Variants in NCAM2 observed in about 807,000 individuals in gnomAD.
NCAM2 encodes the protein N-CAM-2.
Under a neutral mutation model 98.1 loss-of-function variants are expected in NCAM2, and 30 were observed. The ratio of observed to expected loss-of-function variants is 0.31; its 90% CI spans 0.23 to 0.41. The LOEUF is 0.41. Among genes scored for constraint, NCAM2 ranks in the 10% least tolerant of loss-of-function variants. The probability of loss-of-function intolerance (pLI) is 1.00; values close to 1 mark genes in which losing one functional copy is unlikely to be tolerated. For missense variants in NCAM2, 867 were observed against 1,005.8 expected (o/e 0.86, Z 1.87); for synonymous variants, 368 against 342.4 (o/e 1.07, Z -0.83).
intron 9 of NCAM2, among the ~76,000 whole-genome samples, chr21:21,386,182 A>G (rs191743847): frequency 2.0e-5 from 3 of 152,122 alleles, no homozygotes; most frequent in Non-Finnish European, 2.9e-5. Context: ...TACATTCTCT[A>G]TATATAAAGT....
chr21:21,028,569 G>T (rs1461900207), intron 1 of NCAM2, among the ~76,000 whole-genome samples: 4 of 152,188 alleles, frequency 2.6e-5, no homozygotes, highest in African/African-American at 9.7e-5. Flanking sequence ...ACTTTGGTGT[G>T]CAGCCTGCAT....
intron 4 of NCAM2, among the ~76,000 whole-genome samples, chr21:21,290,884 C>T (rs982338085): frequency 6.6e-6 from 1 of 151,848 alleles, no homozygotes; most frequent in African/African-American, 2.4e-5. Flanking sequence ...CTCACTCATG[C>T]AAAGTCCAGT....
At chr21:21,186,963 C>T (rs1397323013) in intron 1 of NCAM2, among the ~76,000 whole-genome samples, 1 of 152,108 alleles carries the variant, frequency 6.6e-6, no homozygotes, top group East Asian at 1.9e-4. Flanking sequence ...GGCGCAGTGG[C>T]TTACACCTGT....
chr21:21,105,311 A>T (rs1297368791), intron 1 of NCAM2, among the ~76,000 whole-genome samples: 1 of 152,160 alleles, frequency 6.6e-6, no homozygotes, highest in Non-Finnish European at 1.5e-5. Context: ...ACATTATTTG[A>T]CTTTGTTTTA....
At chr21:21,463,275 A>C (rs764213534) in intron 12 of NCAM2, among the ~76,000 whole-genome samples, 1 of 152,004 alleles carries the variant, frequency 6.6e-6, no homozygotes. Context: ...GCCTCCTCCA[A>C]ATCTTTTCCC....
intron 8 of NCAM2, among the ~76,000 whole-genome samples, chr21:21,338,809 G>A (rs575501650): frequency 1.8e-4 from 27 of 152,194 alleles, no homozygotes; most frequent in Non-Finnish European, 3.2e-4. Context: ...TTTGTTATAC[G>A]TTGAATCTAT....
At chr21:21,237,226 T>C (rs1020107535) in intron 1 of NCAM2, among the ~76,000 whole-genome samples, 2 of 152,174 alleles carry the variant, frequency 1.3e-5, no homozygotes, top group Non-Finnish European at 2.9e-5. Context: ...GTAGAGTATT[T>C]AATCCTGCAG....
At chr21:21,331,330 G>A (rs564380435) in intron 6 of NCAM2, among the ~76,000 whole-genome samples, 2 of 149,912 alleles carry the variant, frequency 1.3e-5, no homozygotes, top group Non-Finnish European at 3.0e-5. Context: ...TAGAGAAGTG[G>A]TTTCAGTGTG....
chr21:21,141,326 T>G (rs1489299724), intron 1 of NCAM2, among the ~76,000 whole-genome samples: 1 of 152,188 alleles, frequency 6.6e-6, no homozygotes, highest in African/African-American at 2.4e-5. Flanking sequence ...TTTAATGATG[T>G]TAGCAGCTAT....
chr21:21,272,114 AGT>A (rs927424669), intron 1 of NCAM2, among the ~76,000 whole-genome samples: 16 of 152,304 alleles, frequency 1.1e-4, no homozygotes, highest in African/African-American at 3.6e-4. Flanking sequence ...TAAATGATAA[AGT>A]GTGAAGGAGT....
chr21:21,006,341 T>C (rs1344718297), intron 1 of NCAM2, among the ~76,000 whole-genome samples: 1 of 152,058 alleles, frequency 6.6e-6, no homozygotes, highest in African/African-American at 2.4e-5. Context: ...TCTCCGTCTT[T>C]ACCAAAAATA....
chr21:21,151,405 TGTA>T (rs1232576278), intron 1 of NCAM2, among the ~76,000 whole-genome samples: 3 of 152,216 alleles, frequency 2.0e-5, no homozygotes, highest in Non-Finnish European at 2.9e-5. Context: ...AGTTGTTGGT[TGTA>T]GTGTATTATT....
chr21:21,166,495 C>T (rs561578401), intron 1 of NCAM2, among the ~76,000 whole-genome samples: 19 of 139,382 alleles, frequency 1.4e-4, no homozygotes, highest in Admixed American at 1.1e-3. Context: ...CGTGAGCCAC[C>T]GCGCCTGGCC....
chr21:21,469,026 A>G (rs1984089098), intron 14 of NCAM2, among the ~76,000 whole-genome samples: 1 of 151,856 alleles, frequency 6.6e-6, no homozygotes, highest in Non-Finnish European at 1.5e-5. Flanking sequence ...GTGAAATGGG[A>G]CTAGTAAACA....
At chr21:21,424,504 C>G (rs540520448) in intron 11 of NCAM2, among the ~76,000 whole-genome samples, 65 of 152,150 alleles carry the variant, frequency 4.3e-4, no homozygotes, top group Middle Eastern at 6.8e-3. Context: ...AAGGTGTCAA[C>G]TTTTGAATTG....
intron 14 of NCAM2, among the ~76,000 whole-genome samples, chr21:21,472,787 G>A (rs1416333098): frequency 6.6e-6 from 1 of 151,908 alleles, no homozygotes; most frequent in Admixed American, 6.6e-5. Context: ...TACTATGTGG[G>A]TGGTGGAGAC....
At chr21:21,335,928 T>A (rs2074855240) in intron 7 of NCAM2, among the ~76,000 whole-genome samples, 1 of 152,160 alleles carries the variant, frequency 6.6e-6, no homozygotes, top group African/African-American at 2.4e-5. Flanking sequence ...GGGTTTGTCA[T>A]CTGTGTCTGT....
chr21:21,049,010 T>C (rs528111388), intron 1 of NCAM2, among the ~76,000 whole-genome samples: 1 of 68,738 alleles, frequency 1.5e-5, no homozygotes, highest in Non-Finnish European at 3.0e-5. Flanking sequence ...ATATTTACTA[T>C]TAATTTTTTT....
At chr21:21,427,571 G>A (rs1042026836) in intron 11 of NCAM2, among the ~76,000 whole-genome samples, 1 of 152,198 alleles carries the variant, frequency 6.6e-6, no homozygotes, top group Non-Finnish European at 1.5e-5. Flanking sequence ...AGTGGTAGTT[G>A]CCAGGGGCTG....
Sources: gnomAD v4.1 joint callset for allele counts (sites outside exome capture counted in the v4.1 genomes callset) on GRCh38, gnomAD v4.1.1 for gene constraint, MANE v1.5 for transcripts, NCBI Gene and HGNC (gene_info 2026-07-23, HGNC 2026-07-21) for gene names.